Variants in DAOA observed in about 807,000 individuals in gnomAD.
The protein encoded by DAOA is D-amino acid oxidase activator, also known as D-amino acid oxidase regulator.
DAOA carries 15 observed loss-of-function variants against 16.4 expected under a neutral mutation model. The ratio of observed to expected loss-of-function variants is 0.91; its 90% CI spans 0.61 to 1.41. The LOEUF (loss-of-function observed/expected upper bound fraction) is 1.41. Ranked by LOEUF, DAOA falls within the 40% of genes most tolerant of loss-of-function variation. DAOA has a pLI of 0.00. For synonymous variants in DAOA, 75 were observed against 59.1 expected (o/e 1.27, Z -1.23); for missense variants, 230 against 176.8 (o/e 1.30, Z -1.71).
intron 4 of DAOA, among the ~76,000 whole-genome samples, chr13:105,483,847 T>G (rs866435846): frequency 6.6e-6 from 1 of 152,124 alleles, no homozygotes; most frequent in Non-Finnish European, 1.5e-5. Flanking sequence ...TTTCATTTCT[T>G]TGTTATTTTT....
intron 3 of DAOA, 50 bp downstream of exon 3, chr13:105,467,191 A>G (rs757452761): frequency 1.3e-6 from 2 of 1,512,502 alleles, no homozygotes; most frequent in East Asian, 4.6e-5. Flanking sequence ...TAGAAGTTAG[A>G]TAAAACTGTG....
chr13:105,483,975 A>G (rs1360092312), intron 4 of DAOA, among the ~76,000 whole-genome samples: 1 of 152,104 alleles, frequency 6.6e-6, no homozygotes, highest in Non-Finnish European at 1.5e-5. Flanking sequence ...TGACACTGTT[A>G]GTCTCATATG....
intron 4 of DAOA, among the ~76,000 whole-genome samples, chr13:105,479,036 G>A (rs1038035518): frequency 1.9e-4 from 29 of 152,084 alleles, no homozygotes; most frequent in Admixed American, 5.2e-4. Flanking sequence ...CATATACTTA[G>A]GTTTTGTTCA....
At chr13:105,472,828 C>A in intron 4 of DAOA, 143 bp downstream of exon 4, 1 of 631,646 alleles carries the variant, frequency 1.6e-6, no homozygotes, top group South Asian at 4.5e-5. Context: ...GATTATTTGT[C>A]TATTACATAG....
At position 105,466,251 on chromosome 13, in the gene DAOA, G is replaced by T; in HGVS notation, c.-38G>T. 1 of 1,613,708 alleles carries T rather than the reference G, an allele frequency of 6.2e-7. No individual in the cohort carries two copies. Among genetic ancestry groups the T allele is most frequent in the Non-Finnish European group, 8.5e-7 (1 of 1,179,776 alleles). On this transcript the variant is annotated 5_prime_UTR_variant, in exon 2 of 6. Transcript: ENST00000375936. ...GGGCATGGCAGGAGGTCTCATCTCT[G>T]CTTCACAATGCCGATGATTTAGCTG...
At chr13:105,470,503 T>C (rs1196780356) in intron 3 of DAOA, among the ~76,000 whole-genome samples, 1 of 152,230 alleles carries the variant, frequency 6.6e-6, no homozygotes, top group African/African-American at 2.4e-5. Flanking sequence ...TTATAAATTA[T>C]AGAAGCTAGA....
At chr13:105,489,771 C>A in intron 4 of DAOA, 130 bp from the exon 5 acceptor site, 1 of 1,591,862 alleles carries the variant, frequency 6.3e-7, no homozygotes, top group Non-Finnish European at 8.6e-7. Context: ...TGTATAACCC[C>A]TTACCCTTGA....
At position 105,466,855 on chromosome 13, in the gene DAOA, TA is replaced by T. The variant is rs201063832; in HGVS notation, c.45-188del. On this transcript the variant is annotated intron_variant, in intron 2 of 5. Coordinates refer to ENST00000375936, the MANE Select transcript of DAOA (RefSeq NM_172370.5). ...ACCAACTGTATGACTGAGCAATTTA[TA>T]AAAAAAAAATGCAAACCTCAATATC... Among the ~76,000 whole-genome samples the T allele has an allele frequency of 5.0e-4, 74 of 148,426 alleles. 1 individual carries two copies. Among genetic ancestry groups the T allele is most frequent in the Admixed American group, 3.0e-3 (45 of 14,932 alleles).
At chr13:105,467,250 C>T (rs78075535) in intron 3 of DAOA, 109 bp downstream of exon 3, 17,434 of 1,217,414 alleles carry the variant, frequency 0.014, 154 homozygotes, top group Middle Eastern at 0.029. Context: ...AGACAAACTT[C>T]AATTAATTTG....
chr13:105,478,645 T>A lies in DAOA; in HGVS notation c.281+5960T>A, dbSNP rs186480414. On this transcript the variant is annotated intron_variant, in intron 4 of 5. Coordinates refer to ENST00000375936, the MANE Select transcript of DAOA (RefSeq NM_172370.5). ...TTCCATGGAAGGGTAGTGTGAAAGA[T>A]ATTTTAAACCAATTGATTTATCTTG... Among the ~76,000 whole-genome samples, 310 of 152,284 alleles carry A rather than the reference T, an allele frequency of 2.0e-3. 1 individual carries two copies. The highest frequency in any genetic ancestry group is 7.2e-3 in the African/African-American group (299 of 41,580).
At chr13:105,480,544 A>ATAGATAGATAGAT (rs1436371098) in intron 4 of DAOA, among the ~76,000 whole-genome samples, 1 of 140,626 alleles carries the variant, frequency 7.1e-6, no homozygotes, top group African/African-American at 2.5e-5. Context: ...AGATAGATAG[A>ATAGATAGATAGAT]TAGATAGATA....
At chr13:105,483,562 A>G (rs1877896921) in intron 4 of DAOA, among the ~76,000 whole-genome samples, 1 of 151,946 alleles carries the variant, frequency 6.6e-6, no homozygotes, top group Admixed American at 6.5e-5. Flanking sequence ...AAAAGAGGGC[A>G]GTGCTATCTT....
intron 4 of DAOA, among the ~76,000 whole-genome samples, chr13:105,480,590 G>T (rs1250184967): frequency 6.6e-6 from 1 of 151,802 alleles, no homozygotes; most frequent in East Asian, 1.9e-4. Flanking sequence ...AGGAGAATTG[G>T]CTCGTGATTA....
chr13:105,489,765 T>A (rs1161003783), intron 4 of DAOA, 136 bp from the exon 5 acceptor site: 1 of 1,575,270 alleles, frequency 6.3e-7, no homozygotes, highest in South Asian at 1.1e-5. Context: ...CACATTTGTA[T>A]AACCCCTTAC....
intron 4 of DAOA, among the ~76,000 whole-genome samples, chr13:105,478,607 C>T (rs533710249): frequency 6.6e-6 from 1 of 152,150 alleles, no homozygotes; most frequent in African/African-American, 2.4e-5. Context: ...TAGACTAGAA[C>T]CTTCTCTGCA....
chr13:105,487,334 G>A (rs1878192031), intron 4 of DAOA, among the ~76,000 whole-genome samples: 1 of 152,008 alleles, frequency 6.6e-6, no homozygotes, highest in African/African-American at 2.4e-5. Flanking sequence ...TTTTAAAAAA[G>A]TGATCTAAAT....
chr13:105,485,565 G>T (rs933839284), intron 4 of DAOA, among the ~76,000 whole-genome samples: 2 of 152,174 alleles, frequency 1.3e-5, no homozygotes, highest in South Asian at 2.1e-4. Context: ...CCCCAAGAAA[G>T]ATATATTGCA....
intron 4 of DAOA, among the ~76,000 whole-genome samples, chr13:105,482,771 G>A (rs1418944676): frequency 6.6e-6 from 1 of 152,030 alleles, no homozygotes; most frequent in Non-Finnish European, 1.5e-5. Flanking sequence ...TCCTCAAAGT[G>A]CTGGGATTAC....
intron 4 of DAOA, among the ~76,000 whole-genome samples, chr13:105,481,992 G>A (rs1432002826): frequency 6.6e-6 from 1 of 152,192 alleles, no homozygotes; most frequent in East Asian, 1.9e-4. Flanking sequence ...TATGGCAGAA[G>A]ATGAAGGAAG....
Sources: gnomAD v4.1 joint callset for allele counts (sites outside exome capture counted in the v4.1 genomes callset) on GRCh38, gnomAD v4.1.1 for gene constraint, MANE v1.5 for transcripts, NCBI Gene and HGNC (gene_info 2026-07-23, HGNC 2026-07-21) for gene names.